The following CDC42BPB variants were observed in gnomAD, a reference collection of about 807,000 sequenced individuals.
The protein encoded by CDC42BPB is CDC42 binding protein kinase beta, also known as serine/threonine-protein kinase MRCK beta.
A neutral mutation model predicts 214.9 loss-of-function variants in CDC42BPB; 37 were observed. The observed-to-expected ratio is 0.17, with a 90% CI of 0.13 to 0.23. The LOEUF is 0.23. CDC42BPB is among the 10% of genes least tolerant of loss of function. The pLI is 1.00. For missense variants in CDC42BPB, 1,694 were observed against 2,227.0 expected (o/e 0.76, Z 4.82); for synonymous variants, 931 against 884.0 (o/e 1.05, Z -0.94).
chr14:102,975,565 T>C, intron 11 of CDC42BPB, 119 bp downstream of exon 11: 1 of 1,091,778 alleles, frequency 9.2e-7, no homozygotes, highest in East Asian at 2.4e-5. Context: ...CTAAATAAGC[T>C]TGCTAAAGCC....
In CDC42BPB at chr14:102,944,596, G is replaced by T; in HGVS notation, c.3812-109C>A. 2.7e-6 allele frequency: 4 copies of T among 1,485,366 alleles called. No individual in the cohort carries two copies. The highest frequency in any genetic ancestry group is 3.6e-6 in the Non-Finnish European group (4 of 1,119,908). The allele number at this position is 1,485,366 out of a possible 1,614,324, so 92.0% of individuals were successfully genotyped here. A position where few individuals can be genotyped will look rare whatever the true frequency, so the allele number is the denominator to read the frequency against. On this transcript the variant is annotated intron_variant, in intron 29 of 36. Coordinates refer to ENST00000361246, the MANE Select transcript of CDC42BPB (RefSeq NM_006035.4). This position sits in a 1 kb window ranked among gnomAD's most constrained non-coding sequence, Gnocchi z 6.6. ...TGGAACACTCTGGGGCCCTCCCCTG[G>T]GCTCCCTTCCTGTGTGCACAGCCTG...
intron 8 of CDC42BPB, among the ~76,000 whole-genome samples, chr14:102,978,781 G>A (rs563167478): frequency 6.6e-6 from 1 of 152,342 alleles, no homozygotes; most frequent in East Asian, 1.9e-4. Flanking sequence ...TGAGGTGGGT[G>A]GCTTGCTTGA....
chr14:102,969,668 G>A (rs1403560462), intron 14 of CDC42BPB, among the ~76,000 whole-genome samples: 1 of 152,228 alleles, frequency 6.6e-6, no homozygotes, highest in South Asian at 2.1e-4. Context: ...TGCCCACTTG[G>A]CCACTGTGGC....
intron 5 of CDC42BPB, among the ~76,000 whole-genome samples, chr14:102,988,941 G>A (rs551621749): frequency 5.4e-5 from 8 of 148,238 alleles, no homozygotes; most frequent in African/African-American, 1.7e-4. Flanking sequence ...TTTCTCATTC[G>A]ATTATGTACA....
At chr14:103,019,328 G>A (rs1469792657) in intron 1 of CDC42BPB, among the ~76,000 whole-genome samples, 2 of 152,196 alleles carry the variant, frequency 1.3e-5, no homozygotes, top group African/African-American at 4.8e-5. Flanking sequence ...GCTCCAAGTT[G>A]CAGCAACTGG....
chr14:102,957,091 C>T (rs1472076410), intron 21 of CDC42BPB, among the ~76,000 whole-genome samples: 5 of 140,152 alleles, frequency 3.6e-5, no homozygotes, highest in African/African-American at 5.4e-5. Context: ...GTCCCAGCTA[C>T]TTGGGATGCT....
rs916013972 is a variant in CDC42BPB at position 102,932,522 on chromosome 14, G to A, written c.*1190C>T. Reference sequence around the variant, plus strand: ...CCCCCAGGTGCCCATCCAGCAGAAGGCCCAGGAGGGCAGTGGGGTGGCAGG... The same window carrying A: ...CCCCCAGGTGCCCATCCAGCAGAAGACCCAGGAGGGCAGTGGGGTGGCAGG... On this transcript the variant is annotated 3_prime_UTR_variant, in exon 37 of 37. Transcript: ENST00000361246. The A allele has an allele frequency of 6.6e-6, 1 of 152,500 alleles. No individual in the cohort carries two copies. The highest frequency in any genetic ancestry group is 2.4e-5 in the African/African-American group (1 of 41,448). The allele number at this position is 152,500 out of a possible 1,614,324, so 9.4% of individuals were successfully genotyped here. A position where few individuals can be genotyped will look rare whatever the true frequency, so the allele number is the denominator to read the frequency against.
At chr14:102,961,538 C>A (rs564923449) in intron 20 of CDC42BPB, among the ~76,000 whole-genome samples, 14 of 149,810 alleles carry the variant, frequency 9.3e-5, no homozygotes, top group African/African-American at 2.5e-4. Context: ...AAACCCCCCC[C>A]ACTTTTTTTT....
chr14:102,950,463 T>C lies in CDC42BPB; in HGVS notation c.3309+3A>G. 6.2e-7 allele frequency: 1 copy of C among 1,612,898 alleles called. No homozygotes were observed. The highest frequency in any genetic ancestry group is 8.5e-7 in the Non-Finnish European group (1 of 1,179,952). On this transcript the variant is annotated splice_donor_region_variant and intron_variant, in intron 25 of 36. Coordinates refer to ENST00000361246, the MANE Select transcript of CDC42BPB (RefSeq NM_006035.4). ...GGCTGAGGGCGGAGATGAAGCCGCC[T>C]ACCTTGACATGGCCTTTGTAGGCTG...
At position 102,983,526 on chromosome 14, in the gene CDC42BPB, C is replaced by CAA. The variant is rs36061149; in HGVS notation, c.891+28_891+29dup. The CAA allele has an allele frequency of 8.6e-3, 12,984 of 1,502,212 alleles. 14 individuals are homozygous for CAA. Among genetic ancestry groups the CAA allele is most frequent in the African/African-American group, 0.019 (1,301 of 67,152 alleles). 93.1% of individuals were successfully genotyped at this position (1,502,212 alleles called of 1,614,324 possible). On this transcript the variant is annotated intron_variant, in intron 7 of 36. Transcript: ENST00000361246. ...TGTACTTTAGGCCTGAGCCAGGTAC[C>CAA]AAAAAAAAAAAAAAAATGCAACGTC...
At chr14:102,960,270 TGGA>T (rs747535109) in intron 20 of CDC42BPB, among the ~76,000 whole-genome samples, 13 of 150,862 alleles carry the variant, frequency 8.6e-5, no homozygotes, top group Admixed American at 8.6e-4. Context: ...TGGGCGTAGG[TGGA>T]GGAGGAGCAG....
intron 34 of CDC42BPB, among the ~76,000 whole-genome samples, chr14:102,939,139 C>T (rs1192227203): frequency 6.6e-6 from 1 of 152,064 alleles, no homozygotes; most frequent in Non-Finnish European, 1.5e-5. Context: ...CAGGGTTTCA[C>T]CGTGTTAGCC....
intron 5 of CDC42BPB, among the ~76,000 whole-genome samples, chr14:102,987,779 A>C (rs545242729): frequency 1.5e-3 from 156 of 106,550 alleles, no homozygotes; most frequent in African/African-American, 5.4e-3. Flanking sequence ...AAAATCCCAC[A>C]AACACACAAA....
chr14:103,028,208 CAT>C (rs1450469974), intron 1 of CDC42BPB, among the ~76,000 whole-genome samples: 5 of 152,186 alleles, frequency 3.3e-5, no homozygotes, highest in South Asian at 2.1e-4. Context: ...GTGTACCACA[CAT>C]GAGGGGGTCA....
chr14:102,966,096 T>C (rs936444952), intron 18 of CDC42BPB, among the ~76,000 whole-genome samples, 186 bp downstream of exon 18: 1 of 152,258 alleles, frequency 6.6e-6, no homozygotes, highest in Non-Finnish European at 1.5e-5. Flanking sequence ...GAATGAATGC[T>C]GTCGAGAGAA....
rs1050448684 is a variant in CDC42BPB at position 102,943,359 on chromosome 14, T to C, written c.4408+532A>G. On this transcript the variant is annotated intron_variant, in intron 30 of 36. Coordinates refer to ENST00000361246, the MANE Select transcript of CDC42BPB (RefSeq NM_006035.4). The surrounding 1 kb of genome is among the most constrained non-coding windows in gnomAD (Gnocchi z 4.6). ...ACCTGTTCCCCAGTGCCACCATTCA[T>C]AGAGAAAGTCATGCCAACTAGGCGA... is the stretch of plus-strand genomic sequence containing the variant. Among the ~76,000 whole-genome samples, 69 of 152,300 alleles carry C rather than the reference T, an allele frequency of 4.5e-4. No homozygotes were observed. Among genetic ancestry groups the C allele is most frequent in the Middle Eastern group, 3.4e-3 (1 of 294 alleles).
intron 1 of CDC42BPB, among the ~76,000 whole-genome samples, chr14:103,049,762 G>A (rs1443782475): frequency 6.6e-6 from 1 of 152,232 alleles, no homozygotes; most frequent in Non-Finnish European, 1.5e-5. Flanking sequence ...TGCCCACGCT[G>A]GAGAGCAATG....
intron 1 of CDC42BPB, among the ~76,000 whole-genome samples, chr14:103,053,271 C>T (rs1033214023): frequency 5.9e-5 from 9 of 151,670 alleles, no homozygotes; most frequent in Non-Finnish European, 8.8e-5. Context: ...TGCTTGAACC[C>T]GGGAGGCGGA....
intron 1 of CDC42BPB, among the ~76,000 whole-genome samples, chr14:103,015,870 A>T (rs1327623748): frequency 1.3e-5 from 2 of 149,956 alleles, no homozygotes; most frequent in Non-Finnish European, 3.0e-5. Context: ...CACCACACCC[A>T]GCTAATTTTT....
Sources: gnomAD v4.1 joint callset for allele counts (sites outside exome capture counted in the v4.1 genomes callset) on GRCh38, gnomAD v4.1.1 for gene constraint, Gnocchi (gnomAD v3.1) non-coding constraint, MANE v1.5 for transcripts, NCBI Gene and HGNC (gene_info 2026-07-23, HGNC 2026-07-21) for gene names.